ENPP3: variants seen among roughly 807,000 people sequenced by gnomAD.
ENPP3 encodes the protein ectonucleotide pyrophosphatase/phosphodiesterase family member 3.
Under a neutral mutation model 117.8 loss-of-function variants are expected in ENPP3, and 104 were observed. The ratio of observed to expected loss-of-function variants is 0.88; its 90% CI spans 0.75 to 1.04. The LOEUF (loss-of-function observed/expected upper bound fraction) is 1.04, where lower values mean the gene tolerates loss of function less well. Among genes scored for constraint, ENPP3 ranks in the 50% least tolerant of loss-of-function variants. The pLI is 0.00. For synonymous variants in ENPP3, 380 were observed against 349.9 expected, an observed-to-expected ratio of 1.09 and a Z score of -0.96; for missense variants, 1,026 against 1,051.9, an observed-to-expected ratio of 0.98 and a Z score of 0.34.
intron 14 of ENPP3, among the ~76,000 whole-genome samples, chr6:131,686,580 G>T (rs1025494094): frequency 1.8e-4 from 27 of 152,114 alleles, no homozygotes; most frequent in African/African-American, 6.5e-4. Context: ...TGGGAATATT[G>T]TGTGAGTCTG....
intron 11 of ENPP3, among the ~76,000 whole-genome samples, chr6:131,679,119 G>A (rs1036944257): frequency 7.2e-6 from 1 of 139,504 alleles, no homozygotes; most frequent in Non-Finnish European, 1.5e-5. Context: ...TTTTGAGATG[G>A]AGTCTTGCTC....
At chr6:131,737,107 C>G (rs1780413113) in intron 21 of ENPP3, among the ~76,000 whole-genome samples, 1 of 152,168 alleles carries the variant, frequency 6.6e-6, no homozygotes, top group South Asian at 2.1e-4. Context: ...AGACCTATTT[C>G]CAAATAAGTT....
At chr6:131,681,060 G>A (rs993872206) in intron 11 of ENPP3, among the ~76,000 whole-genome samples, 1 of 152,090 alleles carries the variant, frequency 6.6e-6, no homozygotes, top group Admixed American at 6.6e-5. Context: ...TTGGGGGAGT[G>A]AATCAGATGA....
intron 7 of ENPP3, 36 bp from the exon 8 acceptor site, chr6:131,674,125 AT>A: frequency 7.6e-7 from 1 of 1,318,070 alleles, no homozygotes; most frequent in South Asian, 1.3e-5. Flanking sequence ...TTTTACTAAT[AT>A]TTTATCTTAC....
At chr6:131,740,435 G>T in intron 24 of ENPP3, 55 bp downstream of exon 24, 2 of 1,350,864 alleles carry the variant, frequency 1.5e-6, no homozygotes, top group Non-Finnish European at 2.0e-6. Context: ...GAGCTCATTT[G>T]GGTTCTCATA....
chr6:131,702,112 A>G (rs1016473752), intron 15 of ENPP3, among the ~76,000 whole-genome samples: 4 of 152,124 alleles, frequency 2.6e-5, no homozygotes, highest in Non-Finnish European at 5.9e-5. Flanking sequence ...GAGCTATCTC[A>G]TATCCTTCAA....
At chr6:131,677,600 C>G (rs571587815) in intron 10 of ENPP3, among the ~76,000 whole-genome samples, 1 of 152,158 alleles carries the variant, frequency 6.6e-6, no homozygotes, top group Non-Finnish European at 1.5e-5. Flanking sequence ...CTGGGACACA[C>G]CAAGAGTGGT....
chr6:131,709,653 A>G, intron 15 of ENPP3: 1 of 1,612,512 alleles, frequency 6.2e-7, no homozygotes, highest in Non-Finnish European at 8.5e-7. Context: ...CGTAGGAAAT[A>G]ACCTGCTTTT....
chr6:131,678,433 CTCTA>C (rs769656624), intron 11 of ENPP3, among the ~76,000 whole-genome samples: 3 of 152,208 alleles, frequency 2.0e-5, no homozygotes, highest in Non-Finnish European at 4.4e-5. Context: ...GAAGTGGACT[CTCTA>C]ATATGAGTTT....
intron 6 of ENPP3, among the ~76,000 whole-genome samples, chr6:131,663,155 C>CT (rs1285590546): frequency 0.069 from 9,770 of 141,648 alleles, 685 homozygotes; most frequent in African/African-American, 0.19. Context: ...ATGTGGTTGC[C>CT]TTTTTTTTTT....
chr6:131,737,417 T>C lies in ENPP3; in HGVS notation c.2152T>C (p.Tyr718His). Residue 718 changes from tyrosine to histidine, a missense_variant, in exon 22 of 25, where the codon TAT becomes CAT. Transcript: ENST00000357639. Reference protein sequence around the residue: ...ALITSNLVPMYEEFRKMWDYF... With the variant: ...ALITSNLVPMHEEFRKMWDYF... ...AATTACTAGCAATTTGGTACCTATG[T>C]ATGAAGAATTCAGAAGTAAGTATGA... 6.3e-7 allele frequency: 1 copy of C among 1,579,846 alleles called. No individual in the cohort carries two copies. The highest frequency in any genetic ancestry group is 2.2e-5 in the East Asian group (1 of 44,556).
chr6:131,685,409 A>G lies in ENPP3; in HGVS notation c.1166A>G (p.Tyr389Cys), dbSNP rs2114426636. ...YCNKMEYMTD[Y>C]FPRINFFYMY... is the part of the protein sequence containing the mutation. Reference sequence around the variant, plus strand: ...AACAAGATGGAATACATGACTGATTATTTTCCCAGAATAAACTTCTTCTAC... The same window carrying G: ...AACAAGATGGAATACATGACTGATTGTTTTCCCAGAATAAACTTCTTCTAC... Residue 389 changes from tyrosine (Y) to cysteine (C), a missense_variant, in exon 13 of 25, where the codon TAT (tyrosine) becomes TGT (cysteine). Coordinates refer to ENST00000357639, the MANE Select transcript of ENPP3 (RefSeq NM_005021.5). 6.2e-7 allele frequency: 1 copy of G among 1,612,976 alleles called. No individual in the cohort carries two copies. The highest frequency in any genetic ancestry group is 1.3e-5 in the African/African-American group (1 of 75,026).
chr6:131,724,089 AAAGT>A lies in ENPP3; in HGVS notation c.1798+3_1798+6del, dbSNP rs772549653. On this transcript the variant is annotated splice_donor_variant and coding_sequence_variant, in exon 19 of 25. Transcript: ENST00000357639. LOFTEE classifies it high-confidence loss of function. The stretch of plus-strand genomic sequence containing the variant: ...CAGATGCTAAATCTCACCCAAGAAG[AAAGT>A]AAGTCAATAGAAAACATGTTAAGTC... The A allele has an allele frequency of 4.9e-5, 78 of 1,605,258 alleles. No individual in the cohort carries two copies. In the African/African-American group the frequency reaches 7.8e-4, roughly 16 times the overall value.
chr6:131,696,696 C>G (rs1345100000), intron 15 of ENPP3, among the ~76,000 whole-genome samples: 4 of 151,548 alleles, frequency 2.6e-5, no homozygotes, highest in Admixed American at 2.6e-4. Flanking sequence ...CATCTGCTTG[C>G]CAAGCCTTGA....
chr6:131,674,302 C>T (rs778030072), intron 8 of ENPP3, 21 bp downstream of exon 8: 10 of 1,612,040 alleles, frequency 6.2e-6, no homozygotes, highest in South Asian at 2.2e-5. Context: ...TTCTACACGT[C>T]GCAACTGAAG....
rs139274989 is a variant in ENPP3 at position 131,738,468 on chromosome 6, T to C, written c.2300+305T>C. ...CTAAGGAGGTAGACAAAACTTGATG[T>C]ACTATCAATGAGTATAAAACCAATC... On this transcript the variant is annotated intron_variant, in intron 23 of 24. Coordinates refer to ENST00000357639, the MANE Select transcript of ENPP3 (RefSeq NM_005021.5). 2.2e-3 allele frequency among the ~76,000 whole-genome samples: 329 copies of C among 150,830 alleles called. 2 individuals carry two copies. Among genetic ancestry groups the C allele is most frequent in the African/African-American group, 7.5e-3 (309 of 41,226 alleles).
chr6:131,719,563 G>A (rs1054669812), intron 16 of ENPP3, among the ~76,000 whole-genome samples: 1 of 151,966 alleles, frequency 6.6e-6, no homozygotes, highest in Non-Finnish European at 1.5e-5. Flanking sequence ...ATTAATTGGG[G>A]TACTATGTAA....
At chr6:131,728,554 T>C (rs766517178) in intron 20 of ENPP3, among the ~76,000 whole-genome samples, 19 of 152,246 alleles carry the variant, frequency 1.2e-4, no homozygotes, top group Admixed American at 4.6e-4. Flanking sequence ...TTCTGCTTTC[T>C]AATTCAGAAA....
chr6:131,744,218 C>T (rs1441819092), intron 24 of ENPP3, among the ~76,000 whole-genome samples: 1 of 152,218 alleles, frequency 6.6e-6, no homozygotes, highest in Non-Finnish European at 1.5e-5. Flanking sequence ...TTCCTTTCAT[C>T]TTTTCTTCCC....
Sources: gnomAD v4.1 joint callset for allele counts (sites outside exome capture counted in the v4.1 genomes callset) on GRCh38, gnomAD v4.1.1 for gene constraint, MANE v1.5 for transcripts, NCBI Gene and HGNC (gene_info 2026-07-23, HGNC 2026-07-21) for gene names.